Variants in ADAM32 observed in about 807,000 individuals in gnomAD.
ADAM32 encodes the protein ADAM metallopeptidase domain 32.
A neutral mutation model predicts 114.9 loss-of-function variants in ADAM32; 89 were observed. The observed-to-expected ratio is 0.77, with a 90% CI of 0.65 to 0.92. The LOEUF is 0.92. Among genes scored for constraint, ADAM32 ranks in the 40% least tolerant of loss-of-function variants. The pLI is 0.00. For missense variants in ADAM32, 870 were observed against 932.8 expected, an observed-to-expected ratio of 0.93 and a Z score of 0.88; for synonymous variants, 285 against 307.5, an observed-to-expected ratio of 0.93 and a Z score of 0.77.
chr8:39,179,850 A>T (rs770582850), intron 10 of ADAM32, among the ~76,000 whole-genome samples: 7 of 152,264 alleles, frequency 4.6e-5, no homozygotes, highest in Admixed American at 2.0e-4. Flanking sequence ...ATTCCTTTCC[A>T]TGAGAGCTGG....
intron 19 of ADAM32, among the ~76,000 whole-genome samples, chr8:39,263,920 A>G (rs753752274): frequency 2.6e-5 from 4 of 152,214 alleles, no homozygotes; most frequent in Non-Finnish European, 5.9e-5. Flanking sequence ...GTTGATATAC[A>G]ATAATTTACA....
At chr8:39,262,953 C>T (rs1812138044) in intron 19 of ADAM32, among the ~76,000 whole-genome samples, 1 of 152,034 alleles carries the variant, frequency 6.6e-6, no homozygotes, top group African/African-American at 2.4e-5. Flanking sequence ...AGTGATCTGC[C>T]CACCTTGGCT....
intron 22 of ADAM32, among the ~76,000 whole-genome samples, chr8:39,279,198 T>C (rs1436459529): frequency 1.3e-5 from 2 of 152,358 alleles, no homozygotes; most frequent in East Asian, 3.9e-4. Flanking sequence ...ATGTCTTCAA[T>C]TATTGACTCT....
chr8:39,279,287 C>T (rs753201584), intron 22 of ADAM32, among the ~76,000 whole-genome samples: 21 of 151,896 alleles, frequency 1.4e-4, no homozygotes, highest in Non-Finnish European at 2.8e-4. Context: ...ATGTTTCTTT[C>T]GTCTTTTATT....
At chr8:39,275,486 A>G (rs183200586) in intron 21 of ADAM32, among the ~76,000 whole-genome samples, 3 of 152,320 alleles carry the variant, frequency 2.0e-5, no homozygotes, top group Admixed American at 6.5e-5. Flanking sequence ...AACCTACAGC[A>G]ATGTATTTAT....
intron 1 of ADAM32, among the ~76,000 whole-genome samples, chr8:39,114,122 A>ATCCCTTGATCTATATAAG (rs1840278400): frequency 6.6e-6 from 1 of 152,216 alleles, no homozygotes; most frequent in Non-Finnish European, 1.5e-5. Flanking sequence ...GTCACAATTT[A>ATCCCTTGATCTATATAAG]TCCCTTGATC....
At chr8:39,181,774 G>T (rs1585477130) in intron 10 of ADAM32, among the ~76,000 whole-genome samples, 1 of 152,304 alleles carries the variant, frequency 6.6e-6, no homozygotes, top group Admixed American at 6.5e-5. Context: ...GTGCTGGCTG[G>T]TTCATGAATT....
At chr8:39,126,532 C>T (rs1388039743) in intron 2 of ADAM32, among the ~76,000 whole-genome samples, 1 of 152,218 alleles carries the variant, frequency 6.6e-6, no homozygotes, top group East Asian at 1.9e-4. Flanking sequence ...ATTTTGTATC[C>T]TGATACTTTG....
rs1803704656 is a variant in ADAM32, at chr8:39,149,701, T to C, written c.277-90T>C. 4.3e-6 allele frequency: 4 copies of C among 921,318 alleles called. 1 individual carries two copies. In the East Asian group the frequency reaches 1.0e-4, roughly 23 times the overall value. 57.1% of individuals were successfully genotyped at this position (921,318 alleles called of 1,614,324 possible). Reference sequence around the variant, plus strand: ...TAAATCACGGAGCCTGTGAAAAATATTCAGAAGGTTCTATCAAGTATAGAA... The same window carrying C: ...TAAATCACGGAGCCTGTGAAAAATACTCAGAAGGTTCTATCAAGTATAGAA... On this transcript the variant is annotated intron_variant, in intron 4 of 24. Transcript: ENST00000379907.
chr8:39,191,997 G>T (rs1469322684), intron 11 of ADAM32, among the ~76,000 whole-genome samples: 1 of 152,170 alleles, frequency 6.6e-6, no homozygotes, highest in African/African-American at 2.4e-5. Flanking sequence ...GAATTTGGCT[G>T]TGACTCTGTC....
chr8:39,118,003 G>A, intron 1 of ADAM32, 83 bp from the exon 2 acceptor site: 11 of 951,484 alleles, frequency 1.2e-5, no homozygotes, highest in Non-Finnish European at 1.7e-5. Flanking sequence ...ACCTGCACAA[G>A]TAAACTTTAT....
At chr8:39,157,986 C>A in intron 6 of ADAM32, 1 of 314,880 alleles carries the variant, frequency 3.2e-6, no homozygotes, top group Non-Finnish European at 6.2e-6. Flanking sequence ...CCTTCCACAG[C>A]CCTCAGTGGG....
chr8:39,201,177 T>A (rs1045014590), intron 11 of ADAM32, among the ~76,000 whole-genome samples: 1 of 152,222 alleles, frequency 6.6e-6, no homozygotes, highest in African/African-American at 2.4e-5. Flanking sequence ...ATTGGTAGCT[T>A]GATGGAGATG....
chr8:39,206,411 T>G (rs1021991575), intron 11 of ADAM32, among the ~76,000 whole-genome samples: 1 of 152,086 alleles, frequency 6.6e-6, no homozygotes, highest in African/African-American at 2.4e-5. Context: ...ACTGGGCCTG[T>G]TCTCAGGTTT....
chr8:39,212,279 GC>G (rs1258901908), intron 12 of ADAM32, among the ~76,000 whole-genome samples: 1 of 152,098 alleles, frequency 6.6e-6, no homozygotes, highest in Non-Finnish European at 1.5e-5. Flanking sequence ...CTCCCAAAGT[GC>G]TGGGATTGCA....
chr8:39,208,142 T>A (rs530090758), intron 11 of ADAM32, among the ~76,000 whole-genome samples: 19 of 152,252 alleles, frequency 1.2e-4, no homozygotes, highest in Non-Finnish European at 2.6e-4. Context: ...TGAGGAAGAT[T>A]CATATTGTTT....
chr8:39,115,930 G>C (rs941806052), intron 1 of ADAM32, among the ~76,000 whole-genome samples: 2 of 152,186 alleles, frequency 1.3e-5, no homozygotes, highest in Non-Finnish European at 2.9e-5. Context: ...TATGGCAAAA[G>C]GTTCAGTTGC....
At chr8:39,109,510 G>C (rs1840065623) in intron 1 of ADAM32, among the ~76,000 whole-genome samples, 1 of 152,052 alleles carries the variant, frequency 6.6e-6, no homozygotes, top group African/African-American at 2.4e-5. Flanking sequence ...TGGCACCATC[G>C]CACTCCAGCC....
At chr8:39,140,789 T>G (rs1461405004) in intron 3 of ADAM32, among the ~76,000 whole-genome samples, 2 of 152,180 alleles carry the variant, frequency 1.3e-5, no homozygotes, top group Non-Finnish European at 2.9e-5. Flanking sequence ...GTCCTGGACT[T>G]TTTTTGTGGG....
Sources: gnomAD v4.1 joint callset for allele counts (sites outside exome capture counted in the v4.1 genomes callset) on GRCh38, gnomAD v4.1.1 for gene constraint, MANE v1.5 for transcripts, NCBI Gene and HGNC (gene_info 2026-07-23, HGNC 2026-07-21) for gene names.